Variants in LRRC42 observed in about 807,000 individuals in gnomAD.
LRRC42 encodes leucine rich repeat containing 42.
A neutral mutation model predicts 44.3 loss-of-function variants in LRRC42; 43 were observed. That is an observed-to-expected ratio of 0.97 (90% CI 0.76 to 1.25). The LOEUF is 1.25. Ranked by LOEUF, LRRC42 falls within the 50% of genes most tolerant of loss-of-function variation. The pLI is 0.00. For synonymous variants in LRRC42, 207 were observed against 195.2 expected (o/e 1.06, Z -0.50); for missense variants, 540 against 509.1 (o/e 1.06, Z -0.58).
chr1:53,957,073 AGTTT>A (rs1365691212), intron 3 of LRRC42, among the ~76,000 whole-genome samples: 4 of 152,324 alleles, frequency 2.6e-5, no homozygotes, highest in Admixed American at 1.3e-4. Context: ...GCTGGTGATT[AGTTT>A]GAGTACATCT....
At chr1:53,963,907 C>T (rs1043918227) in intron 7 of LRRC42, among the ~76,000 whole-genome samples, 2 of 151,790 alleles carry the variant, frequency 1.3e-5, no homozygotes, top group Admixed American at 1.3e-4. Context: ...CTCCAACTTC[C>T]CTTGTGCTAT....
In LRRC42 at chr1:53,967,513, C is replaced by T. The variant is rs573360649; in HGVS notation, c.1013-152C>T. The T allele has an allele frequency of 1.5e-5, 11 of 710,566 alleles. No homozygotes were observed. In the African/African-American group the frequency reaches 1.6e-4, roughly 10 times the overall value. 44.0% of individuals were successfully genotyped at this position (710,566 alleles called of 1,614,324 possible). A position where few individuals can be genotyped will look rare whatever the true frequency, so the allele number is the denominator to read the frequency against. ...CCAACCTGTGCCGCCATGCACACCA[C>T]AGCGACCTCACAGGGCACTCAAGGC... On this transcript the variant is annotated intron_variant, in intron 8 of 8. Coordinates refer to ENST00000371370, the MANE Select transcript of LRRC42 (RefSeq NM_001256409.2).
chr1:53,959,159 G>C (rs574246028), intron 4 of LRRC42, among the ~76,000 whole-genome samples: 4 of 152,296 alleles, frequency 2.6e-5, no homozygotes, highest in Admixed American at 6.5e-5. Flanking sequence ...TATTTATCCA[G>C]TCCTAGTTTA....
rs141276287 is a variant in LRRC42, at chr1:53,948,805, A to G, written c.-15+984A>G. Among the ~76,000 whole-genome samples the G allele has an allele frequency of 3.4e-3, 513 of 152,382 alleles. 2 individuals carry two copies. Among genetic ancestry groups the G allele is most frequent in the African/African-American group, 0.012 (481 of 41,590 alleles). ...GAACCCAAGTAGTGAAGTTTTGTGTAGAATTCTCTTGCCTTTCTGGTTCTT... is the reference window on the plus strand; with the variant it reads ...GAACCCAAGTAGTGAAGTTTTGTGTGGAATTCTCTTGCCTTTCTGGTTCTT... On this transcript the variant is annotated intron_variant, in intron 2 of 8. Coordinates refer to ENST00000371370, the MANE Select transcript of LRRC42 (RefSeq NM_001256409.2).
intron 8 of LRRC42, among the ~76,000 whole-genome samples, 165 bp from the exon 9 acceptor site, chr1:53,967,500 G>A (rs967934945): frequency 3.9e-5 from 6 of 152,132 alleles, no homozygotes; most frequent in Non-Finnish European, 7.4e-5. Context: ...AACCTGTGCC[G>A]CCATGCACAC....
rs1165355401 is a variant in LRRC42, at chr1:53,967,693, A to C, written c.1041A>C (p.Pro347=). Residue 347 remains proline, a synonymous_variant, in exon 9 of 9, where the codon CCA becomes CCC. Transcript: ENST00000371370. ...GGAAGCGGTCTCGAGCAGAAGCCCC[A>C]CTGAAGTGTCCCCTGGCAGACACCC... The part of the protein sequence containing the change: ...FYGKRSRAEA[P]LKCPLADTHM... 1 of 1,614,148 alleles carries C rather than the reference A, an allele frequency of 6.2e-7. No homozygotes were observed. The highest frequency in any genetic ancestry group is 1.1e-5 in the South Asian group (1 of 91,084).
At chr1:53,966,829 T>C (rs1398276991) in intron 8 of LRRC42, among the ~76,000 whole-genome samples, 1 of 152,134 alleles carries the variant, frequency 6.6e-6, no homozygotes, top group Non-Finnish European at 1.5e-5. Flanking sequence ...CAAAATAAGC[T>C]AGTCACAAAA....
chr1:53,958,406 A>T (rs1216831427), intron 4 of LRRC42, 126 bp downstream of exon 4: 1 of 1,241,684 alleles, frequency 8.1e-7, no homozygotes, highest in Non-Finnish European at 1.1e-6. Context: ...TTTTTCCTAA[A>T]ACATTTTCAA....
At chr1:53,950,685 A>G (rs540584543) in intron 2 of LRRC42, among the ~76,000 whole-genome samples, 36 of 152,190 alleles carry the variant, frequency 2.4e-4, no homozygotes, top group Non-Finnish European at 4.6e-4. Context: ...AAATACCTTC[A>G]TTTTATGTAA....
rs138283538 is a variant in LRRC42, at chr1:53,952,025, A to C, written c.26A>C (p.Asn9Thr). The change falls in exon 3 of 9, where the codon AAC becomes ACC. Residue 9 changes from asparagine to threonine, a missense_variant. Asn to Thr is a moderately conservative substitution (Grantham distance 65). Coordinates refer to ENST00000371370, the MANE Select transcript of LRRC42 (RefSeq NM_001256409.2). ...ATGTCTTACTACCTCAGCTCAGAAA[A>C]CCACCTGGACCCAGGGCCCATCTAC... MSYYLSSE[N>T]HLDPGPIYMR... The C allele has an allele frequency of 5.0e-6, 8 of 1,613,804 alleles. No homozygotes were observed. Among genetic ancestry groups the C allele is most frequent in the Non-Finnish European group, 6.8e-6 (8 of 1,179,950 alleles).
chr1:53,953,610 C>A (rs1235324637), intron 3 of LRRC42, among the ~76,000 whole-genome samples: 3 of 152,134 alleles, frequency 2.0e-5, no homozygotes, highest in African/African-American at 7.2e-5. Context: ...CCTCCCGCCT[C>A]AGCCTCCTAA....
intron 2 of LRRC42, among the ~76,000 whole-genome samples, chr1:53,949,650 C>T (rs1654619210): frequency 6.6e-6 from 1 of 152,190 alleles, no homozygotes; most frequent in South Asian, 2.1e-4. Context: ...GAGGTGTCTC[C>T]TTAGCAGCAG....
At chr1:53,959,089 G>A (rs771618050) in intron 4 of LRRC42, among the ~76,000 whole-genome samples, 1 of 152,152 alleles carries the variant, frequency 6.6e-6, no homozygotes, top group African/African-American at 2.4e-5. Flanking sequence ...TTGCCATGTT[G>A]GCCAGGTTGG....
At chr1:53,954,742 A>G (rs1654784862) in intron 3 of LRRC42, among the ~76,000 whole-genome samples, 1 of 152,196 alleles carries the variant, frequency 6.6e-6, no homozygotes, top group Non-Finnish European at 1.5e-5. Flanking sequence ...ATACTGTTGT[A>G]GTGGTAGATT....
chr1:53,957,707 G>C (rs759785491), intron 3 of LRRC42, among the ~76,000 whole-genome samples: 14 of 152,178 alleles, frequency 9.2e-5, no homozygotes, highest in Non-Finnish European at 1.8e-4. Context: ...GATTGGAAAC[G>C]AGAGTTCTTG....
At position 53,967,987 on chromosome 1, in the gene LRRC42, G is replaced by T. The variant is rs767709609; in HGVS notation, c.*48G>T. The T allele has an allele frequency of 1.9e-6, 3 of 1,562,498 alleles. No homozygotes were observed. Among genetic ancestry groups the T allele is most frequent in the Non-Finnish European group, 2.6e-6 (3 of 1,150,294 alleles). On this transcript the variant is annotated 3_prime_UTR_variant, in exon 9 of 9. Transcript: ENST00000371370. The stretch of plus-strand genomic sequence containing the variant: ...TCTCTGGCCCCCAGCTCTAGTGTTT[G>T]AGTAAAGGAGACTGAGGATGATTTA...
At chr1:53,966,781 G>A (rs1557650297) in intron 8 of LRRC42, among the ~76,000 whole-genome samples, 1 of 152,038 alleles carries the variant, frequency 6.6e-6, no homozygotes, top group Non-Finnish European at 1.5e-5. Context: ...TAAGGAAACC[G>A]ACACAACATG....
chr1:53,964,995 A>ATTTTTTTTTTTTTTTTTT (rs1557649612), intron 7 of LRRC42, among the ~76,000 whole-genome samples: 5 of 137,716 alleles, frequency 3.6e-5, no homozygotes, highest in African/African-American at 1.5e-4. Flanking sequence ...CTGGAACTGT[A>ATTTTTTTTTTTTTTTTTT]TTGTTTTTTT....
chr1:53,966,434 G>C (rs1655130951), intron 8 of LRRC42, 54 bp downstream of exon 8: 1 of 1,265,808 alleles, frequency 7.9e-7, no homozygotes, highest in African/African-American at 1.5e-5. Flanking sequence ...CATCCTTAAA[G>C]CAGTTCGCTT....
Sources: allele counts gnomAD v4.1 joint callset (sites outside exome capture counted in the v4.1 genomes callset), GRCh38; gene constraint gnomAD v4.1.1; transcripts MANE v1.5; gene names NCBI Gene and HGNC (gene_info 2026-07-23, HGNC 2026-07-21).